THSD4: variants seen among roughly 807,000 people sequenced by gnomAD.
THSD4 encodes thrombospondin type-1 domain-containing protein 4.
Under a neutral mutation model 119.0 loss-of-function variants are expected in THSD4, and 69 were observed. The ratio of observed to expected loss-of-function variants is 0.58; its 90% confidence interval spans 0.48 to 0.71. THSD4 has a LOEUF of 0.71. Ranked by LOEUF, THSD4 falls within the 30% of genes least tolerant of loss-of-function variation. The pLI is 0.00. For synonymous variants in THSD4, 524 were observed against 540.4 expected, an observed-to-expected ratio of 0.97 and a Z score of 0.42; for missense variants, 1,393 against 1,391.1, an observed-to-expected ratio of 1.00 and a Z score of -0.02.
chr15:71,266,001 G>A (rs1250884770), intron 6 of THSD4, among the ~76,000 whole-genome samples: 5 of 152,324 alleles, frequency 3.3e-5, no homozygotes, highest in Middle Eastern at 3.4e-3. Context: ...GGGACAGACC[G>A]CCTGGGGGAA....
At chr15:71,102,951 G>A (rs1026335367) in intron 1 of THSD4, among the ~76,000 whole-genome samples, 4 of 152,074 alleles carry the variant, frequency 2.6e-5, no homozygotes, top group African/African-American at 7.2e-5. Context: ...TATGGAACAT[G>A]GTTATAATTG....
intron 7 of THSD4, among the ~76,000 whole-genome samples, chr15:71,434,261 T>C (rs932038487): frequency 6.6e-5 from 10 of 152,064 alleles, no homozygotes; most frequent in South Asian, 2.1e-4. Flanking sequence ...TGTATACACA[T>C]ATGCATACAT....
In THSD4 at chr15:71,215,244, CGTG is replaced by C. The variant is rs1226637155; in HGVS notation, c.313_315del (p.Val105del). On this transcript the variant is annotated inframe_deletion, in exon 4 of 18. Coordinates refer to ENST00000261862, the MANE Select transcript of THSD4 (RefSeq NM_024817.3). Reference sequence around the variant, plus strand: ...CCCCTGCGCGCGCCTTCGCGGACCACGTGGTGTCGGCGGTGCGCACGTCGGTGC... The same window carrying C: ...CCCCTGCGCGCGCCTTCGCGGACCACGTGTCGGCGGTGCGCACGTCGGTGC... The C allele has an allele frequency of 2.7e-6, 4 of 1,468,572 alleles. No individual in the cohort carries two copies. The highest frequency in any genetic ancestry group is 3.6e-6 in the Non-Finnish European group (4 of 1,116,768). The allele number at this position is 1,468,572 out of a possible 1,614,324, so 91.0% of individuals were successfully genotyped here. A position where few individuals can be genotyped will look rare whatever the true frequency, so the allele number is the denominator to read the frequency against.
chr15:71,254,153 T>A (rs113449946), intron 5 of THSD4, among the ~76,000 whole-genome samples: 7 of 152,306 alleles, frequency 4.6e-5, no homozygotes, highest in African/African-American at 1.7e-4. Flanking sequence ...GTTGTAGTTA[T>A]TTGAGGAACA....
chr15:71,779,756 A>G lies in THSD4; in HGVS notation c.*2382A>G, dbSNP rs2053969743. On this transcript the variant is annotated 3_prime_UTR_variant, in exon 18 of 18. Transcript: ENST00000261862. ...AAAAGGAGAATGACCCTCCATGGGA[A>G]TGGCCAGCCTGCCAACTGTGCAATT... 6.6e-6 allele frequency: 1 copy of G among 152,132 alleles called. No individual in the cohort carries two copies. The highest frequency in any genetic ancestry group is 1.5e-5 in the Non-Finnish European group (1 of 68,026). The allele number at this position is 152,132 out of a possible 1,614,324, so 9.4% of individuals were successfully genotyped here.
At chr15:71,404,839 T>G (rs1270282738) in intron 6 of THSD4, among the ~76,000 whole-genome samples, 2 of 151,826 alleles carry the variant, frequency 1.3e-5, no homozygotes, top group African/African-American at 4.9e-5. Context: ...TTCTGTTGTC[T>G]TCTCTTTCTT....
At chr15:71,560,689 A>T (rs1454759864) in intron 7 of THSD4, among the ~76,000 whole-genome samples, 1 of 152,138 alleles carries the variant, frequency 6.6e-6, no homozygotes, top group East Asian at 1.9e-4. Flanking sequence ...TAATTGTATC[A>T]TTTCTTTTCT....
chr15:71,354,891 TA>T (rs1385138596), intron 6 of THSD4, among the ~76,000 whole-genome samples: 1 of 152,216 alleles, frequency 6.6e-6, no homozygotes, highest in Non-Finnish European at 1.5e-5. Flanking sequence ...TTTCATCTTG[TA>T]TGATGTCCCT....
chr15:71,742,821 G>A (rs186970313), intron 11 of THSD4, among the ~76,000 whole-genome samples: 242 of 152,198 alleles, frequency 1.6e-3, no homozygotes, highest in African/African-American at 5.5e-3. Context: ...TTGGGAGGCC[G>A]AGGTGGGCAA....
intron 4 of THSD4, among the ~76,000 whole-genome samples, chr15:71,216,839 C>T (rs2043937069): frequency 6.6e-6 from 1 of 152,204 alleles, no homozygotes; most frequent in South Asian, 2.1e-4. Context: ...ACGCTGTCAC[C>T]CAGGTTGGAG....
chr15:71,453,203 C>T (rs1010345814), intron 7 of THSD4, among the ~76,000 whole-genome samples: 1 of 152,120 alleles, frequency 6.6e-6, no homozygotes, highest in Non-Finnish European at 1.5e-5. Flanking sequence ...TTATGGAAAC[C>T]TGAGCAGACT....
intron 8 of THSD4, among the ~76,000 whole-genome samples, chr15:71,701,793 A>G (rs1299330411): frequency 1.3e-5 from 2 of 152,148 alleles, no homozygotes; most frequent in African/African-American, 2.4e-5. Flanking sequence ...CTAATTGTTA[A>G]AAGTGGTTAT....
At chr15:71,625,524 A>G (rs373515554) in intron 7 of THSD4, among the ~76,000 whole-genome samples, 1 of 152,214 alleles carries the variant, frequency 6.6e-6, no homozygotes, top group African/African-American at 2.4e-5. Flanking sequence ...AGGACAAAGG[A>G]CAGAGTTGGG....
intron 8 of THSD4, among the ~76,000 whole-genome samples, chr15:71,693,093 G>A (rs2052088590): frequency 6.6e-6 from 1 of 151,546 alleles, no homozygotes; most frequent in Admixed American, 6.8e-5. Context: ...CAACCCTGAT[G>A]TTAGCTCAAT....
intron 4 of THSD4, among the ~76,000 whole-genome samples, chr15:71,233,216 A>G (rs1228706564): frequency 2.6e-5 from 4 of 152,128 alleles, no homozygotes; most frequent in Non-Finnish European, 5.9e-5. Flanking sequence ...CTTACAGTGT[A>G]TTTATAAGTG....
At chr15:71,666,354 G>C (rs947522667) in intron 8 of THSD4, among the ~76,000 whole-genome samples, 3 of 152,054 alleles carry the variant, frequency 2.0e-5, no homozygotes, top group Admixed American at 1.3e-4. Context: ...AGGTACAAGT[G>C]CAGGTTTGTT....
intron 7 of THSD4, among the ~76,000 whole-genome samples, chr15:71,577,782 A>C (rs1447417779): frequency 8.9e-6 from 1 of 111,946 alleles, no homozygotes; most frequent in African/African-American, 3.2e-5. Context: ...GTGCAGTGGC[A>C]TGATCTCGGC....
chr15:71,669,273 C>T (rs1298737411), intron 8 of THSD4, among the ~76,000 whole-genome samples: 1 of 152,070 alleles, frequency 6.6e-6, no homozygotes, highest in Non-Finnish European at 1.5e-5. Context: ...TTTTAAATTG[C>T]ACTTGTAGTT....
intron 5 of THSD4, among the ~76,000 whole-genome samples, chr15:71,249,143 A>C (rs1026547680): frequency 6.6e-6 from 1 of 152,122 alleles, no homozygotes; most frequent in Non-Finnish European, 1.5e-5. Flanking sequence ...ATATACACTT[A>C]TATGTGAATC....
Sources: allele counts gnomAD v4.1 joint callset (sites outside exome capture counted in the v4.1 genomes callset), GRCh38; gene constraint gnomAD v4.1.1; transcripts MANE v1.5; gene names NCBI Gene and HGNC (gene_info 2026-07-23, HGNC 2026-07-21).